GPR132: variants seen among roughly 807,000 people sequenced by gnomAD.
GPR132 encodes the protein G protein-coupled receptor 132.
Under a neutral mutation model 1.9 loss-of-function variants are expected in GPR132, and 4 were observed. The ratio of observed to expected loss-of-function variants is 2.13; its 90% CI spans 1.05 to 4.87. The LOEUF (loss-of-function observed/expected upper bound fraction) is 4.87. Ranked by LOEUF, GPR132 falls within the 30% of genes most tolerant of loss-of-function variation. The pLI, the probability that GPR132 is intolerant of heterozygous loss-of-function variation, is 0.01. For synonymous variants in GPR132, 233 were observed against 234.2 expected, an observed-to-expected ratio of 0.99 and a Z score of 0.05; for missense variants, 404 against 512.5, an observed-to-expected ratio of 0.79 and a Z score of 2.04.
At chr14:105,053,151 T>C (rs1309587330) in intron 3 of GPR132, among the ~76,000 whole-genome samples, 2 of 138,718 alleles carry the variant, frequency 1.4e-5, no homozygotes, top group Admixed American at 7.0e-5. Flanking sequence ...TGTAGTCTTT[T>C]TTTTTTTTTT....
rs576241073 is a variant in GPR132, at chr14:105,060,225, C to G, written c.-860-2945G>C. Among the ~76,000 whole-genome samples, 2 of 152,372 alleles carry G rather than the reference C, an allele frequency of 1.3e-5. No individual in the cohort carries two copies. Among genetic ancestry groups the G allele is most frequent in the South Asian group, 4.1e-4 (2 of 4,830 alleles). On this transcript the variant is annotated intron_variant, in intron 1 of 3. Coordinates refer to ENST00000329797, the MANE Select transcript of GPR132 (RefSeq NM_013345.4). The surrounding 1 kb of genome is among the most constrained non-coding windows in gnomAD (Gnocchi z 6.3). ...TGGCCCTGTCGTCTGGCTGCTGCGC[C>G]CAGCTCCAAGGCCCAGCAAGAGATG...
At chr14:105,062,540 C>CTTTTTTTTTTTTTTTTTTTTTTTTTTTTT (rs59869492) in intron 1 of GPR132, among the ~76,000 whole-genome samples, 2 of 128,682 alleles carry the variant, frequency 1.6e-5, no homozygotes, top group Non-Finnish European at 3.3e-5. Context: ...CTTTTCTTTT[C>CTTTTTTTTTTTTTTTTTTTTTTTTTTTTT]TTTTTTTTTT....
intron 3 of GPR132, chr14:105,053,863 G>C: frequency 1.0e-6 from 1 of 988,636 alleles, no homozygotes; most frequent in South Asian, 2.0e-5. Context: ...GGGCCCAATG[G>C]AATCACAAAA....
intron 1 of GPR132, among the ~76,000 whole-genome samples, chr14:105,063,624 G>A (rs565110818): frequency 4.6e-5 from 7 of 152,016 alleles, no homozygotes; most frequent in Admixed American, 4.6e-4. Context: ...TGATCCGCCC[G>A]CCTCGGCCTC....
chr14:105,054,122 C>T, intron 3 of GPR132: 1 of 1,287,664 alleles, frequency 7.8e-7, no homozygotes, highest in Non-Finnish European at 1.0e-6. Flanking sequence ...TGGAGTCCCA[C>T]CTCCAGGTCA....
In GPR132 at chr14:105,060,491, C is replaced by T. The variant is rs1380715712; in HGVS notation, c.-860-3211G>A. ...CAGCTGCCGAGTCCCCTTCAGTGGCCCTAGAAGCCCACATACTCTTGCTCG... is the reference window on the plus strand; with the variant it reads ...CAGCTGCCGAGTCCCCTTCAGTGGCTCTAGAAGCCCACATACTCTTGCTCG... On this transcript the variant is annotated intron_variant, in intron 1 of 3. Coordinates refer to ENST00000329797, the MANE Select transcript of GPR132 (RefSeq NM_013345.4). The surrounding 1 kb of genome is among the most constrained non-coding windows in gnomAD (Gnocchi z 6.3). Among the ~76,000 whole-genome samples, 1 of 152,174 alleles carries T rather than the reference C, an allele frequency of 6.6e-6. No homozygotes were observed. Among genetic ancestry groups the T allele is most frequent in the Non-Finnish European group, 1.5e-5 (1 of 68,022 alleles).
Position 105,056,981 on chromosome 14 carries a change from A to T in GPR132, c.-747+186T>A, listed in dbSNP as rs1170890135. Reference sequence around the variant, plus strand: ...GTTCCTGGCTTCCCAGAACTTCACGAAAGAATTATGAAATCAGTCCTTCAT... The same window carrying T: ...GTTCCTGGCTTCCCAGAACTTCACGTAAGAATTATGAAATCAGTCCTTCAT... On this transcript the variant is annotated intron_variant, in intron 2 of 3. Transcript: ENST00000329797. The surrounding 1 kb of genome is among the most constrained non-coding windows in gnomAD (Gnocchi z 6.0). 6.6e-6 allele frequency among the ~76,000 whole-genome samples: 1 copy of T among 152,232 alleles called. No individual in the cohort carries two copies. Among genetic ancestry groups the T allele is most frequent in the East Asian group, 1.9e-4 (1 of 5,208 alleles).
Position 105,055,023 on chromosome 14 carries a change from CAAAAAAAAA to C in GPR132, c.34+355_34+363del, listed in dbSNP as rs35863392. ...AGGGCAACAGAGCAAGACTCCATCT[CAAAAAAAAA>C]AAAAAAAAAAAAATTCGGCCCCATG... is the stretch of plus-strand genomic sequence containing the variant. On this transcript the variant is annotated intron_variant, in intron 3 of 3. Transcript: ENST00000329797. The surrounding 1 kb of genome is among the most constrained non-coding windows in gnomAD (Gnocchi z 4.7). Among the ~76,000 whole-genome samples the C allele has an allele frequency of 8.3e-3, 755 of 91,306 alleles. 17 individuals are homozygous for C. The East Asian group carries it at 0.1, about 12-fold the overall frequency. 59.9% of individuals were successfully genotyped at this position (91,306 alleles called of 152,430 possible).
rs3803323 is a variant in GPR132 at position 105,051,306 on chromosome 14, G to A, written c.831C>T (p.Asn277=). The change falls in exon 4 of 4, where the codon AAC becomes AAT. Residue 277 remains asparagine, a synonymous_variant. Transcript: ENST00000329797. This position sits in a 1 kb window ranked among gnomAD's most constrained non-coding sequence, Gnocchi z 8.0. Reference sequence around the variant, plus strand: ...GCCTTTCCTCCAAGCCGCACATGGCGTTCCTGTCTCCTCTGTAGTAGGAAA... The same window carrying A: ...GCCTTTCCTCCAAGCCGCACATGGCATTCCTGTCTCCTCTGTAGTAGGAAA... The part of the protein sequence containing the change: ...AAFSYYRGDR[N]AMCGLEERLY... 2.5e-4 allele frequency: 398 copies of A among 1,614,028 alleles called. 1 individual carries two copies. In the East Asian group the frequency reaches 7.5e-3, roughly 30 times the overall value.
chr14:105,050,242 C>G lies in GPR132; in HGVS notation c.*752G>C, dbSNP rs1438231979. On this transcript the variant is annotated 3_prime_UTR_variant, in exon 4 of 4. Coordinates refer to ENST00000329797, the MANE Select transcript of GPR132 (RefSeq NM_013345.4). This position sits in a 1 kb window ranked among gnomAD's most constrained non-coding sequence, Gnocchi z 4.0. ...TGGGGACCCCACCCTGTACGGACCC[C>G]TCACCAGCATCTCCCCGAGGATGCC... The G allele has an allele frequency of 6.6e-6, 1 of 152,518 alleles. No homozygotes were observed. The highest frequency in any genetic ancestry group is 2.4e-5 in the African/African-American group (1 of 41,478). The allele number at this position is 152,518 out of a possible 1,614,324, so 9.4% of individuals were successfully genotyped here. A position where few individuals can be genotyped will look rare whatever the true frequency, so the allele number is the denominator to read the frequency against.
intron 2 of GPR132, 99 bp downstream of exon 2, chr14:105,057,068 T>C: frequency 1.2e-6 from 1 of 835,162 alleles, no homozygotes; most frequent in Non-Finnish European, 2.0e-6. Flanking sequence ...GATAATCTAT[T>C]TTTATGCGTT....
At position 105,060,941 on chromosome 14, in the gene GPR132, A is replaced by G. The variant is rs1476045465; in HGVS notation, c.-860-3661T>C. 6.6e-6 allele frequency among the ~76,000 whole-genome samples: 1 copy of G among 152,214 alleles called. No individual in the cohort carries two copies. Among genetic ancestry groups the G allele is most frequent in the African/African-American group, 2.4e-5 (1 of 41,448 alleles). Reference sequence around the variant, plus strand: ...AGGCCCCTCTGGGATCCAGGCCTGTATGTTGAGAGCAGAGACTAGCCAGGG... The same window carrying G: ...AGGCCCCTCTGGGATCCAGGCCTGTGTGTTGAGAGCAGAGACTAGCCAGGG... On this transcript the variant is annotated intron_variant, in intron 1 of 3. Coordinates refer to ENST00000329797, the MANE Select transcript of GPR132 (RefSeq NM_013345.4). The surrounding 1 kb of genome is among the most constrained non-coding windows in gnomAD (Gnocchi z 6.3).
intron 1 of GPR132, among the ~76,000 whole-genome samples, chr14:105,061,781 G>T (rs557559179): frequency 1.3e-5 from 2 of 152,032 alleles, no homozygotes; most frequent in Non-Finnish European, 2.9e-5. Context: ...CATGGGGACC[G>T]TCCCTTCCTC....
At chr14:105,058,089 C>T (rs901405046) in intron 1 of GPR132, 4 of 152,116 alleles carry the variant, frequency 2.6e-5, no homozygotes, top group African/African-American at 9.7e-5. Context: ...TCCTAAAGGC[C>T]AGGTGTGGTA....
chr14:105,061,066 C>T (rs892674361), intron 1 of GPR132, among the ~76,000 whole-genome samples: 3 of 152,268 alleles, frequency 2.0e-5, no homozygotes, highest in African/African-American at 4.8e-5. Context: ...CCTTTGGGCA[C>T]CACAGCCTGG....
At chr14:105,052,827 C>T (rs768987481) in intron 3 of GPR132, among the ~76,000 whole-genome samples, 3 of 151,624 alleles carry the variant, frequency 2.0e-5, no homozygotes, top group Non-Finnish European at 2.9e-5. Context: ...GGCGTGCTGG[C>T]TCGCACCTGT....
intron 3 of GPR132, among the ~76,000 whole-genome samples, chr14:105,054,587 C>T (rs550321855): frequency 6.9e-4 from 104 of 151,526 alleles, no homozygotes; most frequent in African/African-American, 2.4e-3. Flanking sequence ...CTCGCCACCA[C>T]GCCCATCTAA....
At chr14:105,052,593 C>G (rs1019874241) in intron 3 of GPR132, among the ~76,000 whole-genome samples, 4 of 151,924 alleles carry the variant, frequency 2.6e-5, no homozygotes, top group African/African-American at 9.7e-5. Flanking sequence ...TCCCAAAGTG[C>G]TGGGATTACA....
intron 1 of GPR132, among the ~76,000 whole-genome samples, chr14:105,063,631 C>G (rs1887008163): frequency 6.6e-6 from 1 of 151,778 alleles, no homozygotes; most frequent in East Asian, 2.0e-4. Context: ...CCCGCCTCGG[C>G]CTCCTAAAGT....
Sources: gnomAD v4.1 joint callset for allele counts (sites outside exome capture counted in the v4.1 genomes callset) on GRCh38, gnomAD v4.1.1 for gene constraint, Gnocchi (gnomAD v3.1) non-coding constraint, MANE v1.5 for transcripts, NCBI Gene and HGNC (gene_info 2026-07-23, HGNC 2026-07-21) for gene names.